Variants in LRRC4C observed in about 807,000 individuals in gnomAD.
LRRC4C encodes the protein leucine rich repeat containing 4C, also known as leucine-rich repeat-containing protein 4C.
A neutral mutation model predicts 33.6 loss-of-function variants in LRRC4C; 5 were observed. The observed-to-expected ratio is 0.15, with a 90% CI of 0.08 to 0.31. The LOEUF is 0.31. Ranked by LOEUF, LRRC4C falls within the 10% of genes least tolerant of loss-of-function variation. The pLI is 1.00. For missense variants in LRRC4C, 560 were observed against 796.7 expected (o/e 0.70, Z 3.58); for synonymous variants, 329 against 302.0 (o/e 1.09, Z -0.93).
intron 3 of LRRC4C, among the ~76,000 whole-genome samples, chr11:40,487,085 T>G (rs17484798): frequency 0.078 from 11,862 of 152,146 alleles, 593 homozygotes; most frequent in East Asian, 0.13. Flanking sequence ...TTTCTGTGTG[T>G]GAGTTGGACT....
intron 1 of LRRC4C, among the ~76,000 whole-genome samples, chr11:41,010,644 C>T (rs867452105): frequency 2.0e-5 from 3 of 152,170 alleles, no homozygotes; most frequent in African/African-American, 4.8e-5. Context: ...GTTGGCCATA[C>T]TGTGGCTCAG....
intron 2 of LRRC4C, among the ~76,000 whole-genome samples, chr11:40,830,408 G>A (rs1952359639): frequency 1.3e-5 from 2 of 152,034 alleles, no homozygotes; most frequent in African/African-American, 2.4e-5. Flanking sequence ...CCATCCAACT[G>A]CAGACTCTAC....
intron 3 of LRRC4C, among the ~76,000 whole-genome samples, chr11:40,513,936 G>C (rs748547233): frequency 2.0e-5 from 3 of 152,176 alleles, no homozygotes; most frequent in Non-Finnish European, 4.4e-5. Flanking sequence ...AGGCAGGCAA[G>C]ACAAAGAGCC....
At chr11:40,867,175 C>G (rs562369608) in intron 2 of LRRC4C, among the ~76,000 whole-genome samples, 1 of 152,262 alleles carries the variant, frequency 6.6e-6, no homozygotes, top group East Asian at 1.9e-4. Context: ...AGCATTGCCT[C>G]GTTCACCAAC....
chr11:41,426,283 A>G (rs1280537117), intron 1 of LRRC4C: 1 of 152,144 alleles, frequency 6.6e-6, no homozygotes, highest in Non-Finnish European at 1.5e-5. Flanking sequence ...TTGATGCCTC[A>G]TGTTCCCTTG....
In LRRC4C at chr11:40,114,674, G is replaced by C; in HGVS notation, c.1619C>G (p.Ala540Gly). ...GTAGAAAATGACCAGCATCACTGCA[G>C]CCATGAGTGTGATGGCCACAAAACA... ...IGCFVAITLM[A>G]AVMLVIFYKM... Residue 540 changes from alanine (A) to glycine (G), a missense_variant, in exon 7 of 7, where the codon GCT becomes GGT. By Grantham distance (60) the Ala-to-Gly change is moderately conservative (BLOSUM62 0). Around this residue, in one of 3 missense-constraint regions of LRRC4C, gnomAD observed 103 missense variants for 132.1 expected, o/e 0.78. Coordinates refer to ENST00000528697, the MANE Select transcript of LRRC4C (RefSeq NM_001258419.2). 2 of 1,614,178 alleles carry C rather than the reference G, an allele frequency of 1.2e-6. No homozygotes were observed. Among genetic ancestry groups the C allele is most frequent in the Non-Finnish European group, 1.7e-6 (2 of 1,180,038 alleles).
At chr11:41,017,802 T>A (rs1265449004) in intron 1 of LRRC4C, among the ~76,000 whole-genome samples, 1 of 150,214 alleles carries the variant, frequency 6.7e-6, no homozygotes, top group African/African-American at 2.4e-5. Context: ...TGGGTATATA[T>A]AATATATAAA....
intron 1 of LRRC4C, among the ~76,000 whole-genome samples, chr11:41,029,277 G>T (rs1305311678): frequency 6.6e-6 from 1 of 151,758 alleles, no homozygotes; most frequent in Non-Finnish European, 1.5e-5. Flanking sequence ...CATAGCATAT[G>T]CAGTCTGTAA....
chr11:40,857,448 G>A (rs986078281), intron 2 of LRRC4C, among the ~76,000 whole-genome samples: 1 of 152,056 alleles, frequency 6.6e-6, no homozygotes, highest in African/African-American at 2.4e-5. Context: ...AGCATGTGGT[G>A]TTTGGTTTTC....
intron 1 of LRRC4C, among the ~76,000 whole-genome samples, chr11:41,218,532 T>C (rs575312984): frequency 6.6e-6 from 1 of 152,310 alleles, no homozygotes; most frequent in South Asian, 2.1e-4. Context: ...TTTTATATAT[T>C]AATGTAGAAT....
chr11:40,648,277 T>C lies in LRRC4C; in HGVS notation c.-405A>G, dbSNP rs1942581234. ...AAGTTATTCTTGCTTTTCCAGTAAC[T>C]CCTACATAAAATAGAAGAAAAAGAT... On this transcript the variant is annotated splice_region_variant and 5_prime_UTR_variant, in exon 3 of 7. Transcript: ENST00000528697. 1 of 152,122 alleles carries C rather than the reference T, an allele frequency of 6.6e-6. No individual in the cohort carries two copies. The highest frequency in any genetic ancestry group is 2.4e-5 in the African/African-American group (1 of 41,416). The allele number at this position is 152,122 out of a possible 1,614,324, so 9.4% of individuals were successfully genotyped here. A position where few individuals can be genotyped will look rare whatever the true frequency, so the allele number is the denominator to read the frequency against.
intron 1 of LRRC4C, among the ~76,000 whole-genome samples, chr11:41,160,996 C>T (rs973153497): frequency 4.6e-5 from 7 of 152,126 alleles, no homozygotes; most frequent in Non-Finnish European, 1.0e-4. Context: ...TGACGATTTA[C>T]TTTAGACATG....
At chr11:41,106,273 G>A (rs1941489088) in intron 1 of LRRC4C, among the ~76,000 whole-genome samples, 1 of 151,300 alleles carries the variant, frequency 6.6e-6, no homozygotes, top group South Asian at 2.1e-4. Context: ...GTGTAGAAAA[G>A]TGGAGATGAG....
chr11:41,273,366 T>C (rs1445107951), intron 1 of LRRC4C, among the ~76,000 whole-genome samples: 1 of 152,122 alleles, frequency 6.6e-6, no homozygotes, highest in African/African-American at 2.4e-5. Flanking sequence ...GATGGATGAA[T>C]TGATACATAA....
chr11:40,250,002 T>G (rs1019864101), intron 4 of LRRC4C, among the ~76,000 whole-genome samples: 5 of 152,236 alleles, frequency 3.3e-5, no homozygotes, highest in Admixed American at 6.5e-5. Flanking sequence ...GCATTGCATG[T>G]TTGCAACTTC....
intron 2 of LRRC4C, among the ~76,000 whole-genome samples, chr11:40,779,974 G>A (rs773702691): frequency 2.6e-4 from 40 of 152,154 alleles, no homozygotes; most frequent in Non-Finnish European, 4.7e-4. Context: ...ACATCACAAT[G>A]TATAGGCCTA....
At chr11:40,184,368 T>G (rs555750727) in intron 5 of LRRC4C, among the ~76,000 whole-genome samples, 2 of 152,308 alleles carry the variant, frequency 1.3e-5, no homozygotes, top group African/African-American at 4.8e-5. Context: ...AGTAAAATCC[T>G]TACCACAAAT....
chr11:40,144,193 C>A (rs1320301896), intron 5 of LRRC4C, among the ~76,000 whole-genome samples: 1 of 152,082 alleles, frequency 6.6e-6, no homozygotes, highest in Non-Finnish European at 1.5e-5. Flanking sequence ...TACCCATAAA[C>A]CAACAAGCCT....
At chr11:41,434,552 A>G (rs1408427875) in intron 1 of LRRC4C, among the ~76,000 whole-genome samples, 2 of 152,212 alleles carry the variant, frequency 1.3e-5, no homozygotes, top group Non-Finnish European at 2.9e-5. Flanking sequence ...ATCCCATGAT[A>G]CAAAATACAG....
Sources: gnomAD v4.1 joint callset for allele counts (sites outside exome capture counted in the v4.1 genomes callset) on GRCh38, gnomAD v4.1.1 for gene constraint, gnomAD v4.1.1 regional missense constraint, MANE v1.5 for transcripts, NCBI Gene and HGNC (gene_info 2026-07-23, HGNC 2026-07-21) for gene names.